CPNE8: variants seen among roughly 807,000 people sequenced by gnomAD.
The protein encoded by CPNE8 is copine 8, also known as copine-8.
In CPNE8, 45 loss-of-function variants were observed where a neutral mutation model predicts 81.5. That is an observed-to-expected ratio of 0.55 (90% CI 0.44 to 0.71). The LOEUF (loss-of-function observed/expected upper bound fraction) is 0.71, where lower values mean the gene tolerates loss of function less well. Among genes scored for constraint, CPNE8 ranks in the 30% least tolerant of loss-of-function variants. The pLI is 0.00. For missense variants in CPNE8, 594 were observed against 672.1 expected, an observed-to-expected ratio of 0.88 and a Z score of 1.28; for synonymous variants, 252 against 226.3, an observed-to-expected ratio of 1.11 and a Z score of -1.02.
At chr12:38,756,198 T>A (rs1941455745) in intron 10 of CPNE8, among the ~76,000 whole-genome samples, 1 of 152,110 alleles carries the variant, frequency 6.6e-6, no homozygotes, top group Non-Finnish European at 1.5e-5. Flanking sequence ...TAATTTCAGT[T>A]GATGAATTTA....
At chr12:38,778,328 C>A (rs1418632694) in intron 6 of CPNE8, among the ~76,000 whole-genome samples, 1 of 152,126 alleles carries the variant, frequency 6.6e-6, no homozygotes, top group African/African-American at 2.4e-5. Flanking sequence ...GGAAGCATGT[C>A]TCGGGACATA....
chr12:38,675,600 C>T (rs770273458), intron 18 of CPNE8, 117 bp downstream of exon 18: 3 of 683,614 alleles, frequency 4.4e-6, no homozygotes, highest in Non-Finnish European at 7.7e-6. Context: ...ACATTATATA[C>T]AAACCCAAAT....
chr12:38,905,354 C>A (rs1944553019), intron 1 of CPNE8, 83 bp downstream of exon 1: 2 of 1,476,032 alleles, frequency 1.4e-6, no homozygotes, highest in South Asian at 2.5e-5. Context: ...TGCGCAAAGC[C>A]TCGTGGTACC....
chr12:38,787,617 T>C (rs1048691662), intron 6 of CPNE8, among the ~76,000 whole-genome samples: 1 of 151,124 alleles, frequency 6.6e-6, no homozygotes, highest in South Asian at 2.1e-4. Context: ...CAGAAATAAA[T>C]GAAATTGAAA....
chr12:38,814,174 C>T (rs1391257027), intron 6 of CPNE8, among the ~76,000 whole-genome samples: 2 of 151,654 alleles, frequency 1.3e-5, no homozygotes, highest in African/African-American at 4.9e-5. Flanking sequence ...CTCTGTGTAC[C>T]GAAATGCAAA....
In CPNE8 at chr12:38,839,959, A is replaced by C; in HGVS notation, c.291-4T>G. ...GCTCTTTGAATCAACATCATACCTA[A>C]AAGATTGAAATATAAAACTCAAATT... On this transcript the variant is annotated splice_region_variant and splice_polypyrimidine_tract_variant and intron_variant, in intron 4 of 19. Transcript: ENST00000331366. 2.5e-6 allele frequency: 4 copies of C among 1,579,640 alleles called. No individual in the cohort carries two copies. The highest frequency in any genetic ancestry group is 3.5e-6 in the Non-Finnish European group (4 of 1,159,040).
In CPNE8 at chr12:38,873,001, T is replaced by C; in HGVS notation, c.186+3A>G. On this transcript the variant is annotated splice_donor_region_variant and intron_variant, in intron 3 of 19. Transcript: ENST00000331366. ...GATTTTTTTAAAAAAGTTTTAAACTTACCTCTCTCCATTCTTTATTTCCAA... is the reference window on the plus strand; with the variant it reads ...GATTTTTTTAAAAAAGTTTTAAACTCACCTCTCTCCATTCTTTATTTCCAA... 1.3e-6 allele frequency: 2 copies of C among 1,521,006 alleles called. No homozygotes were observed. The highest frequency in any genetic ancestry group is 1.8e-6 in the Non-Finnish European group (2 of 1,099,966). The allele number at this position is 1,521,006 out of a possible 1,614,324, so 94.2% of individuals were successfully genotyped here.
chr12:38,807,583 C>A (rs1008293953), intron 6 of CPNE8, among the ~76,000 whole-genome samples: 5 of 151,000 alleles, frequency 3.3e-5, no homozygotes, highest in East Asian at 1.9e-4. Context: ...CTTCCTTACA[C>A]CTTATACAAA....
chr12:38,812,936 T>C (rs1402621496), intron 6 of CPNE8, among the ~76,000 whole-genome samples: 1 of 152,214 alleles, frequency 6.6e-6, no homozygotes, highest in African/African-American at 2.4e-5. Flanking sequence ...CAATCTCAGG[T>C]ATTCTGTTAT....
At chr12:38,834,158 T>C (rs1943344703) in intron 5 of CPNE8, among the ~76,000 whole-genome samples, 1 of 152,174 alleles carries the variant, frequency 6.6e-6, no homozygotes. Flanking sequence ...TCATTCTAGC[T>C]ACTCTTCTTC....
At chr12:38,837,952 A>G (rs1463191438) in intron 5 of CPNE8, among the ~76,000 whole-genome samples, 1 of 152,172 alleles carries the variant, frequency 6.6e-6, no homozygotes, top group Admixed American at 6.5e-5. Flanking sequence ...TATGATTTCT[A>G]GGAGGAGTAT....
At chr12:38,779,405 T>C (rs1486375314) in intron 6 of CPNE8, among the ~76,000 whole-genome samples, 1 of 152,122 alleles carries the variant, frequency 6.6e-6, no homozygotes, top group African/African-American at 2.4e-5. Flanking sequence ...AAAGCTTATA[T>C]CTCATTAACT....
In CPNE8 at chr12:38,717,439, A is replaced by G. The variant is rs867975114; in HGVS notation, c.914+6333T>C. On this transcript the variant is annotated intron_variant, in intron 13 of 19. Coordinates refer to ENST00000331366, the MANE Select transcript of CPNE8 (RefSeq NM_153634.3). ...CAAAGAAAGTGTGGTGTATATATAT[A>G]TATATATATATATATATATACACCA... Among the ~76,000 whole-genome samples, 71 of 130,170 alleles carry G rather than the reference A, an allele frequency of 5.5e-4. 5 individuals are homozygous for G. The South Asian group carries it at 0.016, about 29-fold the overall frequency. The allele number at this position is 130,170 out of a possible 152,430, so 85.4% of individuals were successfully genotyped here.
At chr12:38,865,204 A>G (rs1009765150) in intron 3 of CPNE8, among the ~76,000 whole-genome samples, 3 of 152,204 alleles carry the variant, frequency 2.0e-5, no homozygotes, top group Non-Finnish European at 4.4e-5. Context: ...CAAGTGGCAG[A>G]TGGAAAGTTA....
chr12:38,790,920 C>G (rs1942307957), intron 6 of CPNE8, among the ~76,000 whole-genome samples: 1 of 151,456 alleles, frequency 6.6e-6, no homozygotes, highest in Non-Finnish European at 1.5e-5. Context: ...CTTACTATTT[C>G]TCCTTTATAT....
At chr12:38,812,509 G>C (rs1361694869) in intron 6 of CPNE8, among the ~76,000 whole-genome samples, 1 of 152,136 alleles carries the variant, frequency 6.6e-6, no homozygotes, top group Admixed American at 6.5e-5. Context: ...ATCAGATCTC[G>C]TGAAAACTCA....
chr12:38,762,385 C>T (rs1941591642), intron 8 of CPNE8, among the ~76,000 whole-genome samples, 169 bp from the exon 9 acceptor site: 1 of 152,140 alleles, frequency 6.6e-6, no homozygotes. Context: ...GAAAGATCAC[C>T]TCACCATAAC....
At chr12:38,778,966 T>C (rs1941990770) in intron 6 of CPNE8, among the ~76,000 whole-genome samples, 5 of 152,292 alleles carry the variant, frequency 3.3e-5, no homozygotes, top group Admixed American at 2.6e-4. Flanking sequence ...GAACTCAATA[T>C]AGCATGGCAC....
rs929906941 is a variant in CPNE8, at chr12:38,702,933, G to A, written c.915-12C>T. ...AATTGATTTGCGTCCTGGAATAGAA[G>A]TAAACAAGACTCATTAATAATGAAA... On this transcript the variant is annotated splice_polypyrimidine_tract_variant and intron_variant, in intron 13 of 19. Coordinates refer to ENST00000331366, the MANE Select transcript of CPNE8 (RefSeq NM_153634.3). 4.5e-6 allele frequency: 7 copies of A among 1,561,810 alleles called. No individual in the cohort carries two copies. The highest frequency in any genetic ancestry group is 3.4e-4 in the Middle Eastern group (2 of 5,938).
Sources: gnomAD v4.1 joint callset for allele counts (sites outside exome capture counted in the v4.1 genomes callset) on GRCh38, gnomAD v4.1.1 for gene constraint, MANE v1.5 for transcripts, NCBI Gene and HGNC (gene_info 2026-07-23, HGNC 2026-07-21) for gene names.